TNRC6C: variants seen among roughly 807,000 people sequenced by gnomAD.
TNRC6C encodes trinucleotide repeat-containing gene 6C protein.
A neutral mutation model predicts 153.7 loss-of-function variants in TNRC6C; 20 were observed. The ratio of observed to expected loss-of-function variants is 0.13; its 90% CI spans 0.09 to 0.19. TNRC6C has a LOEUF of 0.19. TNRC6C is among the 10% of genes least tolerant of loss of function. The probability of loss-of-function intolerance (pLI) is 1.00; values close to 1 mark genes in which losing one functional copy is unlikely to be tolerated. For missense variants in TNRC6C, 1,987 were observed against 2,172.0 expected, an observed-to-expected ratio of 0.91 and a Z score of 1.69; for synonymous variants, 811 against 841.4, an observed-to-expected ratio of 0.96 and a Z score of 0.63.
At chr17:78,092,842 C>G in intron 14 of TNRC6C, 91 bp from the exon 17 acceptor site, 1 of 1,122,304 alleles carries the variant, frequency 8.9e-7, no homozygotes. Flanking sequence ...GGACCTAGAA[C>G]AGAAGGTACA....
In TNRC6C at chr17:78,075,109, A is replaced by G; in HGVS notation, c.2918-27A>G. 5 of 1,610,766 alleles carry G rather than the reference A, an allele frequency of 3.1e-6. No homozygotes were observed. The South Asian group carries it at 3.3e-5, about 11-fold the overall frequency. On this transcript the variant is annotated intron_variant, in intron 7 of 19. Coordinates refer to ENST00000301624, the Ensembl canonical transcript of TNRC6C. The surrounding 1 kb of genome is among the most constrained non-coding windows in gnomAD (Gnocchi z 4.2). Reference sequence around the variant, plus strand: ...TCAGCACTCACTTGTTTTGTTTACAACATTGCTTCTGTTTGTTGTGCTCCA... The same window carrying G: ...TCAGCACTCACTTGTTTTGTTTACAGCATTGCTTCTGTTTGTTGTGCTCCA...
chr17:78,084,469 G>A (rs12150348), intron 11 of TNRC6C, among the ~76,000 whole-genome samples: 15,675 of 151,880 alleles, frequency 0.1, 954 homozygotes, highest in East Asian at 0.19. Flanking sequence ...CTGCTTTTCT[G>A]TAAGCAGCAG....
intron 3 of TNRC6C, among the ~76,000 whole-genome samples, chr17:78,064,342 C>G (rs1223087440): frequency 6.6e-6 from 1 of 152,088 alleles, no homozygotes; most frequent in Non-Finnish European, 1.5e-5. Context: ...AGTAATCCAC[C>G]TGACTCCCAA....
chr17:78,032,278 C>G (rs1201829442), intron 2 of TNRC6C, among the ~76,000 whole-genome samples: 1 of 152,228 alleles, frequency 6.6e-6, no homozygotes, highest in East Asian at 1.9e-4. Flanking sequence ...TAGTCATACA[C>G]ATTGAGCCAA....
At chr17:78,003,751 C>T (rs1193172366), upstream of TNRC6C, among the ~76,000 whole-genome samples, 2 of 152,112 alleles carry the variant, frequency 1.3e-5, no homozygotes, top group Non-Finnish European at 2.9e-5. Flanking sequence ...AATTTCAGAA[C>T]CCTAGAGATC....
At chr17:78,036,431 C>T (rs2143788201) in intron 2 of TNRC6C, among the ~76,000 whole-genome samples, 1 of 152,208 alleles carries the variant, frequency 6.6e-6, no homozygotes, top group East Asian at 1.9e-4. Flanking sequence ...TAGTCCTGTA[C>T]TGTGCTAATG....
exon 15 of TNRC6C, chr17:78,093,101 G>A (rs774333763): frequency 6.2e-7 from 1 of 1,613,010 alleles, no homozygotes; most frequent in East Asian, 2.2e-5. Context: ...ATCTCAAATG[G>A]CTCTAGCATC....
intron 1 of TNRC6C, among the ~76,000 whole-genome samples, chr17:77,993,754 T>G (rs983105258): frequency 1.3e-5 from 2 of 152,230 alleles, no homozygotes; most frequent in African/African-American, 2.4e-5. Flanking sequence ...TTGATATTTT[T>G]CAGGTAAATT....
chr17:77,999,481 CGTT>C (rs138308114), upstream of TNRC6C, among the ~76,000 whole-genome samples: 1,531 of 152,074 alleles, frequency 0.01, 24 homozygotes, highest in African/African-American at 0.034. Flanking sequence ...TGTCCAGTTT[CGTT>C]GTTGTTGTTG....
intron 13 of TNRC6C, among the ~76,000 whole-genome samples, chr17:78,089,945 G>A (rs1311368715): frequency 2.6e-5 from 4 of 152,160 alleles, no homozygotes; most frequent in African/African-American, 9.7e-5. Flanking sequence ...TGGGAGAGAT[G>A]GGTTGGCGCC....
chr17:78,068,374 T>A (rs1464086983), intron 5 of TNRC6C, among the ~76,000 whole-genome samples: 2 of 152,254 alleles, frequency 1.3e-5, no homozygotes, highest in African/African-American at 2.4e-5. Flanking sequence ...TTTTAATTTC[T>A]AATACAGTAA....
In TNRC6C at chr17:78,086,197, G is replaced by A. The variant is rs925277314; in HGVS notation, c.3478-306G>A. ...ATACAAAAATTAGCTGGGCGTGGTG[G>A]CACACGACTGCAATCCCAGCTACTC... On this transcript the variant is annotated intron_variant, in intron 11 of 19. Coordinates refer to ENST00000301624, the Ensembl canonical transcript of TNRC6C. 3.9e-5 allele frequency among the ~76,000 whole-genome samples: 6 copies of A among 151,962 alleles called. No individual in the cohort carries two copies. The East Asian group carries it at 7.7e-4, about 20-fold the overall frequency.
At chr17:78,012,636 C>T (rs2143399490) in intron 1 of TNRC6C, among the ~76,000 whole-genome samples, 2 of 152,262 alleles carry the variant, frequency 1.3e-5, no homozygotes, top group African/African-American at 2.4e-5. Flanking sequence ...AGCCAGGTGT[C>T]AGTAGGTCAG....
intron 1 of TNRC6C, among the ~76,000 whole-genome samples, chr17:77,965,819 T>G (rs1220900033): frequency 6.6e-6 from 1 of 152,254 alleles, no homozygotes; most frequent in Non-Finnish European, 1.5e-5. Flanking sequence ...TGTCAAAATT[T>G]TGGATGCTCT....
rs145948703 is a variant in TNRC6C at position 78,021,895 on chromosome 17, A to C, written c.-545-9621A>C. 8.7e-3 allele frequency among the ~76,000 whole-genome samples: 1,318 copies of C among 152,348 alleles called. 13 individuals carry two copies. The highest frequency in any genetic ancestry group is 0.038 in the South Asian group (183 of 4,824). ...TATTTATTTATAATTTTTTAATTAA[A>C]ATAAAACAATACCTACATAAGACTT... On this transcript the variant is annotated intron_variant, in intron 1 of 19. Transcript: ENST00000301624.
upstream of TNRC6C, among the ~76,000 whole-genome samples, chr17:77,959,061 A>G (rs1225210890): frequency 7.2e-6 from 1 of 138,862 alleles, no homozygotes; most frequent in Non-Finnish European, 1.6e-5. Context: ...ACCTGCCGGG[A>G]CGCGCCGCCG....
At chr17:78,021,359 C>T (rs2071828222) in intron 1 of TNRC6C, among the ~76,000 whole-genome samples, 1 of 152,232 alleles carries the variant, frequency 6.6e-6, no homozygotes, top group Non-Finnish European at 1.5e-5. Flanking sequence ...TCAGACAAGC[C>T]TGATGTGCTT....
intron 7 of TNRC6C, among the ~76,000 whole-genome samples, chr17:78,073,533 C>G (rs1487614104): frequency 6.6e-6 from 1 of 151,994 alleles, no homozygotes; most frequent in Non-Finnish European, 1.5e-5. Flanking sequence ...AACAAGCAAC[C>G]CTAGTTCTAG....
At chr17:78,099,182 C>A (rs187409306) in intron 17 of TNRC6C, among the ~76,000 whole-genome samples, 71 of 152,300 alleles carry the variant, frequency 4.7e-4, no homozygotes, top group Non-Finnish European at 8.8e-4. Context: ...GTGGCACATA[C>A]CTGTGATCCC....
Sources: gnomAD v4.1 joint callset for allele counts (sites outside exome capture counted in the v4.1 genomes callset) on GRCh38, gnomAD v4.1.1 for gene constraint, Gnocchi (gnomAD v3.1) non-coding constraint, MANE v1.5 for transcripts, NCBI Gene and HGNC (gene_info 2026-07-23, HGNC 2026-07-21) for gene names.